The following SMARCAD1 variants were observed in gnomAD, a reference collection of about 807,000 sequenced individuals.
SMARCAD1 encodes SNF2 related chromatin remodeling ATPase with DExD box 1.
In SMARCAD1, 25 loss-of-function variants were observed where a neutral mutation model predicts 127.1. That is an observed-to-expected ratio of 0.20 (90% confidence interval 0.14 to 0.27). The LOEUF (loss-of-function observed/expected upper bound fraction) is 0.27, where lower values mean the gene tolerates loss of function less well. Ranked by LOEUF, SMARCAD1 falls within the 10% of genes least tolerant of loss-of-function variation. The pLI is 1.00. For missense variants in SMARCAD1, 807 were observed against 1,206.0 expected (o/e 0.67, Z 4.90); for synonymous variants, 400 against 396.9 (o/e 1.01, Z -0.09).
At chr4:94,213,845 G>A (rs925647420) in intron 2 of SMARCAD1, among the ~76,000 whole-genome samples, 1 of 152,162 alleles carries the variant, frequency 6.6e-6, no homozygotes, top group Non-Finnish European at 1.5e-5. Flanking sequence ...CAAGGTAGTA[G>A]ATGGTTGAAT....
At chr4:94,264,450 T>A (rs1751448590) in intron 9 of SMARCAD1, 2 of 322,314 alleles carry the variant, frequency 6.2e-6, no homozygotes, top group African/African-American at 4.3e-5. Flanking sequence ...AGTAACAAGT[T>A]TGGGATTATG....
chr4:94,208,120 C>G, intron 1 of SMARCAD1, 50 bp downstream of exon 1: 1 of 568,486 alleles, frequency 1.8e-6, no homozygotes, highest in South Asian at 1.5e-5. Context: ...TAAGGAGGGG[C>G]GGGCGGGGGA....
intron 15 of SMARCAD1, among the ~76,000 whole-genome samples, chr4:94,276,816 A>G (rs1410991556): frequency 6.6e-6 from 1 of 152,250 alleles, no homozygotes; most frequent in East Asian, 1.9e-4. Flanking sequence ...TACTTATAAA[A>G]GAAGACCAAT....
intron 6 of SMARCAD1, among the ~76,000 whole-genome samples, chr4:94,246,129 T>C (rs1748377673): frequency 6.6e-6 from 1 of 151,720 alleles, no homozygotes; most frequent in African/African-American, 2.4e-5. Flanking sequence ...TTTTTTTTTT[T>C]TTTCTTTTGA....
chr4:94,208,964 C>G (rs757470655), intron 2 of SMARCAD1, among the ~76,000 whole-genome samples: 1 of 151,898 alleles, frequency 6.6e-6, no homozygotes, highest in Non-Finnish European at 1.5e-5. Context: ...TATTGATCAT[C>G]TACTGTGAGC....
At position 94,234,131 on chromosome 4, in the gene SMARCAD1, C is replaced by A; in HGVS notation, c.537+9C>A. On this transcript the variant is annotated intron_variant, in intron 4 of 23. Coordinates refer to ENST00000354268, the MANE Select transcript of SMARCAD1 (RefSeq NM_020159.5). ...ACAATGATTTACTTAAGGTTATATT[C>A]ATTGGTTATTGTAGCTGTAATGATG... 6.3e-7 allele frequency: 1 copy of A among 1,582,180 alleles called. No homozygotes were observed. The highest frequency in any genetic ancestry group is 1.1e-5 in the South Asian group (1 of 87,420).
At chr4:94,282,092 G>GTTTTTTTTTTTTTTTTTT (rs144409121) in intron 21 of SMARCAD1, among the ~76,000 whole-genome samples, 1 of 110,982 alleles carries the variant, frequency 9.0e-6, no homozygotes, top group Non-Finnish European at 1.7e-5. Context: ...ATGCAAATAC[G>GTTTTTTTTTTTTTTTTTT]TTTTTTTGTT....
rs1749491828 is a variant in SMARCAD1 at position 94,252,855 on chromosome 4, G to A, written c.1129G>A (p.Gly377Ser). 2 of 1,614,086 alleles carry A rather than the reference G, an allele frequency of 1.2e-6. No homozygotes were observed. Among genetic ancestry groups the A allele is most frequent in the Admixed American group, 3.3e-5 (2 of 60,020 alleles). ...TTCACTAGATGAGGACTATAGTAGT[G>A]GTGAAGAAGTGATGGAGGATGGCTA... The part of the protein sequence containing the change: ...GSSLDEDYSS[G>S]EEVMEDGYKG... The change falls in exon 9 of 24, where the codon GGT becomes AGT. Residue 377 changes from glycine to serine, a missense_variant. Physicochemically the swap from Gly to Ser is moderately conservative, Grantham distance 56. This residue lies in a region of SMARCAD1 where 257 missense variants were observed against 303.4 expected (regional missense o/e 0.85). Coordinates refer to ENST00000354268, the MANE Select transcript of SMARCAD1 (RefSeq NM_020159.5).
intron 9 of SMARCAD1, among the ~76,000 whole-genome samples, chr4:94,264,050 T>G (rs533553558): frequency 6.6e-6 from 1 of 152,004 alleles, no homozygotes; most frequent in Middle Eastern, 3.4e-3. Context: ...ATTTATAGTA[T>G]TATATTGAAA....
At chr4:94,287,909 TG>T (rs1199947188) in intron 23 of SMARCAD1, among the ~76,000 whole-genome samples, 20 of 152,136 alleles carry the variant, frequency 1.3e-4, no homozygotes, top group Non-Finnish European at 2.2e-4. Context: ...TGCCAGCACT[TG>T]GGGAGACAGG....
chr4:94,257,294 A>G (rs890123928), intron 9 of SMARCAD1, among the ~76,000 whole-genome samples: 1 of 152,192 alleles, frequency 6.6e-6, no homozygotes, highest in Non-Finnish European at 1.5e-5. Context: ...GTTTACCCCA[A>G]ATTCTACCAA....
intron 2 of SMARCAD1, among the ~76,000 whole-genome samples, chr4:94,224,994 T>C (rs543502039): frequency 1.3e-5 from 2 of 152,354 alleles, no homozygotes; most frequent in African/African-American, 4.8e-5. Context: ...GTGTTTACTT[T>C]AATACGACTC....
chr4:94,228,990 A>T (rs1745427282), intron 3 of SMARCAD1, among the ~76,000 whole-genome samples: 1 of 152,088 alleles, frequency 6.6e-6, no homozygotes. Context: ...ACATACTACT[A>T]CCTAAATGAT....
intron 12 of SMARCAD1, among the ~76,000 whole-genome samples, chr4:94,274,337 A>T (rs911305919): frequency 2.6e-5 from 4 of 151,818 alleles, no homozygotes; most frequent in African/African-American, 7.3e-5. Flanking sequence ...ATTTTTATTT[A>T]TTTTTTTTAA....
At chr4:94,261,636 G>T (rs529028578) in intron 9 of SMARCAD1, among the ~76,000 whole-genome samples, 1 of 151,978 alleles carries the variant, frequency 6.6e-6, no homozygotes, top group Non-Finnish European at 1.5e-5. Flanking sequence ...TTTTTGAGAC[G>T]GGGTCTCACT....
At chr4:94,226,404 T>TTC in intron 3 of SMARCAD1, 108 bp downstream of exon 3, 1 of 744,628 alleles carries the variant, frequency 1.3e-6, no homozygotes, top group Non-Finnish European at 2.1e-6. Context: ...TTTTTTTTCT[T>TTC]TTTTTTTTTT....
chr4:94,219,818 G>A (rs550632937), intron 2 of SMARCAD1, among the ~76,000 whole-genome samples: 2 of 152,196 alleles, frequency 1.3e-5, no homozygotes, highest in South Asian at 2.1e-4. Context: ...CATGAACATG[G>A]CTACTTCACT....
Position 94,226,278 on chromosome 4 carries a change from A to G in SMARCAD1, c.350A>G (p.Lys117Arg), listed in dbSNP as rs766134493. 4 of 1,612,694 alleles carry G rather than the reference A, an allele frequency of 2.5e-6. No homozygotes were observed. In the South Asian group the frequency reaches 3.3e-5, roughly 13 times the overall value. Reference sequence around the variant, plus strand: ...ACAGTTCAAGAGAAAACATTCAACAAAGATACAGTGATTATAGTGTAAGCT... The same window carrying G: ...ACAGTTCAAGAGAAAACATTCAACAGAGATACAGTGATTATAGTGTAAGCT... Reference protein sequence around the residue: ...SNTVQEKTFNKDTVIIVSEPS... With the variant: ...SNTVQEKTFNRDTVIIVSEPS... The change falls in exon 3 of 24, where the codon AAA becomes AGA. Residue 117 changes from lysine (K) to arginine (R), a missense_variant. Coordinates refer to ENST00000354268, the MANE Select transcript of SMARCAD1 (RefSeq NM_020159.5).
chr4:94,213,631 G>T (rs1392198943), intron 2 of SMARCAD1, among the ~76,000 whole-genome samples: 1 of 151,766 alleles, frequency 6.6e-6, no homozygotes, highest in Admixed American at 6.6e-5. Context: ...AGAGATGACA[G>T]AGGAGGCAAC....
Sources: allele counts gnomAD v4.1 joint callset (sites outside exome capture counted in the v4.1 genomes callset), GRCh38; gene constraint gnomAD v4.1.1; regional missense constraint gnomAD v4.1.1; transcripts MANE v1.5; gene names NCBI Gene and HGNC (gene_info 2026-07-23, HGNC 2026-07-21).